The following SLCO1B1 variants were observed in gnomAD, a reference collection of about 807,000 sequenced individuals.
The protein encoded by SLCO1B1 is solute carrier organic anion transporter family member 1B1, also known as OATP-2.
In SLCO1B1, 81 loss-of-function variants were observed where a neutral mutation model predicts 70.1. That is an observed-to-expected ratio of 1.16 (90% CI 0.97 to 1.39). The LOEUF is 1.39. Ranked by LOEUF, SLCO1B1 falls within the 40% of genes most tolerant of loss-of-function variation. SLCO1B1 has a pLI of 0.00. For missense variants in SLCO1B1, 895 were observed against 799.6 expected, an observed-to-expected ratio of 1.12 and a Z score of -1.44; for synonymous variants, 283 against 271.5, an observed-to-expected ratio of 1.04 and a Z score of -0.42.
At chr12:21,178,278 A>T (rs147874287) in intron 5 of SLCO1B1, among the ~76,000 whole-genome samples, 90 of 152,204 alleles carry the variant, frequency 5.9e-4, no homozygotes, top group African/African-American at 2.1e-3. Flanking sequence ...CATGTAAGAC[A>T]TGGCTTTGCT....
In SLCO1B1 at chr12:21,141,669, T is replaced by C. The variant is rs1034680405; in HGVS notation, c.84+11T>C. ...TGCAATGGATTGAAGGTAGAATAAG[T>C]TTTATGTTTTTGAGCTAAAATAAGT... On this transcript the variant is annotated intron_variant, in intron 2 of 14. Transcript: ENST00000256958. 1 of 1,563,780 alleles carries C rather than the reference T, an allele frequency of 6.4e-7. No individual in the cohort carries two copies. Among genetic ancestry groups the C allele is most frequent in the African/African-American group, 1.4e-5 (1 of 73,934 alleles).
intron 13 of SLCO1B1, among the ~76,000 whole-genome samples, chr12:21,223,884 T>G (rs994185339): frequency 2.0e-5 from 3 of 152,142 alleles, no homozygotes; most frequent in Non-Finnish European, 2.9e-5. Flanking sequence ...AAAACAGCAG[T>G]GGAAGCAGAT....
At chr12:21,183,076 C>T (rs73079463) in intron 7 of SLCO1B1, among the ~76,000 whole-genome samples, 2,024 of 152,318 alleles carry the variant, frequency 0.013, 27 homozygotes, top group Non-Finnish European at 0.015. Context: ...CTCTCTTGCC[C>T]GCTGCCACAA....
chr12:21,213,085 G>T (rs1468341938), intron 11 of SLCO1B1, among the ~76,000 whole-genome samples: 2 of 151,832 alleles, frequency 1.3e-5, no homozygotes, highest in African/African-American at 4.9e-5. Flanking sequence ...ATATTGTTAT[G>T]TGTGAATTTG....
chr12:21,170,966 T>A (rs1940749318), intron 2 of SLCO1B1, among the ~76,000 whole-genome samples: 1 of 152,236 alleles, frequency 6.6e-6, no homozygotes, highest in South Asian at 2.1e-4. Context: ...CTTAAGCATC[T>A]TTGTGACAGA....
intron 2 of SLCO1B1, among the ~76,000 whole-genome samples, chr12:21,156,633 TATAAAG>T (rs1243593914): frequency 2.0e-5 from 3 of 152,166 alleles, no homozygotes; most frequent in South Asian, 2.1e-4. Flanking sequence ...ATTAAAATTA[TATAAAG>T]ATAAAGCAAA....
chr12:21,135,641 A>G (rs1940209029), intron 1 of SLCO1B1, among the ~76,000 whole-genome samples: 1 of 152,086 alleles, frequency 6.6e-6, no homozygotes, highest in African/African-American at 2.4e-5. Flanking sequence ...GTTTTATCAG[A>G]GACTAGGATT....
intron 2 of SLCO1B1, among the ~76,000 whole-genome samples, chr12:21,165,509 T>A (rs936056272): frequency 6.6e-6 from 1 of 152,028 alleles, no homozygotes; most frequent in Admixed American, 6.6e-5. Flanking sequence ...AAGTGAAAGG[T>A]CAAAGGGATA....
At chr12:21,198,617 A>C (rs2121142601) in intron 8 of SLCO1B1, among the ~76,000 whole-genome samples, 1 of 152,128 alleles carries the variant, frequency 6.6e-6, no homozygotes, top group East Asian at 1.9e-4. Flanking sequence ...GTATGTATCT[A>C]TTAGGAATGG....
intron 2 of SLCO1B1, among the ~76,000 whole-genome samples, chr12:21,144,511 AT>A (rs1277334469): frequency 6.6e-6 from 1 of 152,132 alleles, no homozygotes; most frequent in African/African-American, 2.4e-5. Flanking sequence ...TCCATGAAAA[AT>A]TTCCCAGTCT....
intron 7 of SLCO1B1, among the ~76,000 whole-genome samples, chr12:21,183,976 C>G (rs976368377): frequency 1.3e-5 from 2 of 151,280 alleles, no homozygotes; most frequent in African/African-American, 4.9e-5. Flanking sequence ...ACAGAACATA[C>G]CAAAGAGAGA....
chr12:21,233,585 CAAG>C (rs1941566156), intron 14 of SLCO1B1, among the ~76,000 whole-genome samples: 1 of 117,738 alleles, frequency 8.5e-6, no homozygotes, highest in Non-Finnish European at 1.7e-5. Context: ...AAAAAAAAAA[CAAG>C]AGCCCCAAAG....
intron 8 of SLCO1B1, among the ~76,000 whole-genome samples, 156 bp downstream of exon 8, chr12:21,197,344 A>T (rs1321583697): frequency 2.0e-5 from 3 of 152,102 alleles, no homozygotes; most frequent in Non-Finnish European, 4.4e-5. Flanking sequence ...CTCCTATTAA[A>T]GTTAACATAT....
At chr12:21,229,001 TAAAA>T (rs879412701) in intron 14 of SLCO1B1, among the ~76,000 whole-genome samples, 2 of 141,794 alleles carry the variant, frequency 1.4e-5, no homozygotes, top group Non-Finnish European at 3.1e-5. Context: ...AAGTGGAATT[TAAAA>T]AAAAAAAAAG....
At position 21,172,894 on chromosome 12, in the gene SLCO1B1, C is replaced by T. The variant is rs917464042; in HGVS notation, c.226+103C>T. The T allele has an allele frequency of 4.6e-6, 5 of 1,081,206 alleles. No homozygotes were observed. The African/African-American group carries it at 6.3e-5, about 14-fold the overall frequency. The allele number at this position is 1,081,206 out of a possible 1,614,324, so 67.0% of individuals were successfully genotyped here. On this transcript the variant is annotated intron_variant, in intron 3 of 14. Transcript: ENST00000256958. Reference sequence around the variant, plus strand: ...CTGGGGTAAATTTATCTCTCACAGGCAATTTGGCAATAACTAAAAACATTT... The same window carrying T: ...CTGGGGTAAATTTATCTCTCACAGGTAATTTGGCAATAACTAAAAACATTT...
At chr12:21,230,342 TTTTTG>T in intron 14 of SLCO1B1, among the ~76,000 whole-genome samples, 2 of 145,712 alleles carry the variant, frequency 1.4e-5, no homozygotes, top group Admixed American at 6.8e-5. Flanking sequence ...TTTTTTTTTT[TTTTTG>T]GAGACATAGT....
At chr12:21,200,005 T>C (rs1941137525) in intron 8 of SLCO1B1, among the ~76,000 whole-genome samples, 1 of 152,124 alleles carries the variant, frequency 6.6e-6, no homozygotes, top group South Asian at 2.1e-4. Flanking sequence ...TTCACCATGT[T>C]GGCCAGGCTG....
At chr12:21,181,800 T>C (rs374811640) in intron 7 of SLCO1B1, among the ~76,000 whole-genome samples, 2 of 152,094 alleles carry the variant, frequency 1.3e-5, no homozygotes, top group Admixed American at 1.3e-4. Context: ...TTGAAAAAAT[T>C]TGGGGAGATT....
chr12:21,174,801 G>A (rs1940799367), intron 4 of SLCO1B1, 92 bp downstream of exon 4: 2 of 1,323,944 alleles, frequency 1.5e-6, no homozygotes, highest in African/African-American at 1.5e-5. Flanking sequence ...TAAATAGGCA[G>A]TTACCTTTTG....
Sources: allele counts gnomAD v4.1 joint callset (sites outside exome capture counted in the v4.1 genomes callset), GRCh38; gene constraint gnomAD v4.1.1; transcripts MANE v1.5; gene names NCBI Gene and HGNC (gene_info 2026-07-23, HGNC 2026-07-21).